Variants in DLG1 observed in about 807,000 individuals in gnomAD.
DLG1 encodes disks large homolog 1.
DLG1 carries 42 observed loss-of-function variants against 123.4 expected under a neutral mutation model. The observed-to-expected ratio is 0.34, with a 90% CI of 0.27 to 0.44. The LOEUF is 0.44. DLG1 is among the 20% of genes least tolerant of loss of function. DLG1 has a pLI of 1.00. For synonymous variants in DLG1, 317 were observed against 356.2 expected (o/e 0.89, Z 1.24); for missense variants, 942 against 1,082.6 (o/e 0.87, Z 1.82).
At chr3:197,081,933 T>C (rs1298810133) in intron 16 of DLG1, among the ~76,000 whole-genome samples, 1 of 152,174 alleles carries the variant, frequency 6.6e-6, no homozygotes, top group African/African-American at 2.4e-5. Context: ...TCATAAATTC[T>C]CCAATTTCGA....
chr3:197,208,250 A>G (rs1729612190), intron 4 of DLG1, among the ~76,000 whole-genome samples: 1 of 146,892 alleles, frequency 6.8e-6, no homozygotes, highest in Non-Finnish European at 1.5e-5. Flanking sequence ...AAGTTTGATA[A>G]CATACTATAT....
intron 3 of DLG1, among the ~76,000 whole-genome samples, chr3:197,290,975 G>C (rs1464648593): frequency 6.7e-6 from 1 of 150,214 alleles, no homozygotes; most frequent in African/African-American, 2.4e-5. Context: ...TAAGTAAAGA[G>C]ACGTGACAAC....
Position 197,107,333 on chromosome 3 carries a change from A to G in DLG1, c.1444-2328T>C, listed in dbSNP as rs193152786. ...GCCAAGGCAGGCAGATCACGAGGTC[A>G]GGAGATCGAGACCTTCCTGGGTAAC... On this transcript the variant is annotated intron_variant, in intron 13 of 24. Transcript: ENST00000667157. Among the ~76,000 whole-genome samples, 656 of 152,300 alleles carry G rather than the reference A, an allele frequency of 4.3e-3. 1 individual carries two copies. The highest frequency in any genetic ancestry group is 0.012 in the South Asian group (60 of 4,832).
At chr3:197,197,112 A>C (rs1261373416) in intron 4 of DLG1, among the ~76,000 whole-genome samples, 1 of 152,198 alleles carries the variant, frequency 6.6e-6, no homozygotes, top group Non-Finnish European at 1.5e-5. Context: ...GAAAAACTCA[A>C]GGCATTTGAC....
intron 4 of DLG1, chr3:197,260,339 C>G (rs1292664291): frequency 3.1e-5 from 12 of 391,232 alleles, no homozygotes; most frequent in Non-Finnish European, 5.5e-5. Flanking sequence ...TTTTAAGTTG[C>G]CTAGTTGAAC....
At position 197,076,645 on chromosome 3, in the gene DLG1, C is replaced by A. The variant is rs1373600010; in HGVS notation, c.1946G>T (p.Arg649Leu). Reference protein sequence around the residue: ...NDKRKKNLFSRKFPFYKNKDQ... With the variant: ...NDKRKKNLFSLKFPFYKNKDQ... ...CTTGTTCTTGTAGAAGGGGAATTTT[C>A]GGGAAAAGAGGTTCTTTTTACGCTT... Residue 649 changes from arginine (R) to leucine (L), a missense_variant, in exon 18 of 25, where the codon CGA (arginine) becomes CTA (leucine). By Grantham distance (102) the Arg-to-Leu change is moderately radical. Coordinates refer to ENST00000667157, the MANE Select transcript of DLG1 (RefSeq NM_001366207.1). 1 of 1,612,754 alleles carries A rather than the reference C, an allele frequency of 6.2e-7. No individual in the cohort carries two copies. Among genetic ancestry groups the A allele is most frequent in the Non-Finnish European group, 8.5e-7 (1 of 1,179,138 alleles).
chr3:197,239,550 A>G (rs184949296), intron 4 of DLG1, among the ~76,000 whole-genome samples: 4 of 151,976 alleles, frequency 2.6e-5, no homozygotes, highest in Admixed American at 2.6e-4. Flanking sequence ...AATATCCTTC[A>G]TGAACAGTGA....
Position 197,288,719 on chromosome 3 carries a change from CAAAAAAA to C in DLG1, c.152-5881_152-5875del, listed in dbSNP as rs1214430122. 1.5e-4 allele frequency among the ~76,000 whole-genome samples: 9 copies of C among 61,912 alleles called. 1 individual carries two copies. The highest frequency in any genetic ancestry group is 2.0e-4 in the Non-Finnish European group (7 of 34,148). 40.6% of individuals were successfully genotyped at this position (61,912 alleles called of 152,430 possible). ...CTGGGCAACAAGAGTGAAACTGTCT[CAAAAAAA>C]AAAAAAAAAAAAAAAAAATACATAC... On this transcript the variant is annotated intron_variant, in intron 3 of 24. Transcript: ENST00000667157.
At chr3:197,176,983 T>A (rs1020817792) in intron 5 of DLG1, among the ~76,000 whole-genome samples, 2 of 151,500 alleles carry the variant, frequency 1.3e-5, no homozygotes, top group African/African-American at 4.8e-5. Flanking sequence ...TATTATTTTT[T>A]ATTTATTTTT....
At chr3:197,297,853 C>T (rs1778271043) in intron 1 of DLG1, 1 of 985,350 alleles carries the variant, frequency 1.0e-6, no homozygotes. Context: ...CGGCCAGACT[C>T]GGAGCAGCTC....
chr3:197,081,261 A>T, intron 16 of DLG1, 144 bp from the exon 17 acceptor site: 1 of 656,306 alleles, frequency 1.5e-6, no homozygotes, highest in Admixed American at 3.3e-5. Context: ...TCCCCAAATT[A>T]GAATTGCTGA....
intron 5 of DLG1, chr3:197,183,492 T>TA (rs1713789918): frequency 5.5e-6 from 7 of 1,267,248 alleles, no homozygotes; most frequent in African/African-American, 3.0e-5. Context: ...ATTCTTTAAA[T>TA]AAAAAATCTA....
At chr3:197,144,576 G>C (rs977942278) in intron 6 of DLG1, among the ~76,000 whole-genome samples, 1 of 152,172 alleles carries the variant, frequency 6.6e-6, no homozygotes, top group Non-Finnish European at 1.5e-5. Flanking sequence ...ATAACTGCAA[G>C]AGAAATAACA....
intron 14 of DLG1, among the ~76,000 whole-genome samples, chr3:197,100,568 GAT>G (rs1244163967): frequency 6.6e-6 from 1 of 152,074 alleles, no homozygotes; most frequent in Non-Finnish European, 1.5e-5. Context: ...AAAAGATTGA[GAT>G]ATAAGCTCTG....
intron 13 of DLG1, among the ~76,000 whole-genome samples, chr3:197,114,643 A>T (rs1772033418): frequency 6.6e-6 from 1 of 152,200 alleles, no homozygotes; most frequent in African/African-American, 2.4e-5. Flanking sequence ...TACAATGACT[A>T]GGGAGTTTTA....
intron 4 of DLG1, among the ~76,000 whole-genome samples, chr3:197,195,019 T>G (rs962706329): frequency 2.6e-5 from 4 of 151,454 alleles, no homozygotes; most frequent in Non-Finnish European, 4.4e-5. Context: ...GACAATCACA[T>G]TTTTTATTTT....
chr3:197,144,469 C>A (rs1027907697), intron 6 of DLG1, among the ~76,000 whole-genome samples: 2 of 152,172 alleles, frequency 1.3e-5, no homozygotes, highest in African/African-American at 4.8e-5. Flanking sequence ...CTAACCCACA[C>A]CATGTAAAGC....
chr3:197,278,802 AAC>A (rs1312526284), intron 4 of DLG1, among the ~76,000 whole-genome samples: 1 of 152,150 alleles, frequency 6.6e-6, no homozygotes, highest in African/African-American at 2.4e-5. Flanking sequence ...TTAAGAGAAT[AAC>A]AGTCAAGGCT....
At chr3:197,241,109 T>G (rs983118668) in intron 4 of DLG1, among the ~76,000 whole-genome samples, 1 of 151,884 alleles carries the variant, frequency 6.6e-6, no homozygotes, top group African/African-American at 2.4e-5. Context: ...ATAATCAAAT[T>G]TGAAAAGTCA....
Sources: allele counts gnomAD v4.1 joint callset (sites outside exome capture counted in the v4.1 genomes callset), GRCh38; gene constraint gnomAD v4.1.1; transcripts MANE v1.5; gene names NCBI Gene and HGNC (gene_info 2026-07-23, HGNC 2026-07-21).